WNK4: variants seen among roughly 807,000 people sequenced by gnomAD.
WNK4 encodes WNK lysine deficient protein kinase 4.
WNK4 carries 94 observed loss-of-function variants against 116.2 expected under a neutral mutation model. The observed-to-expected ratio is 0.81, with a 90% confidence interval of 0.68 to 0.96. The LOEUF (loss-of-function observed/expected upper bound fraction) is 0.96, where lower values mean the gene tolerates loss of function less well. WNK4 is among the 40% of genes least tolerant of loss of function. The pLI is 0.00. For missense variants in WNK4, 1,542 were observed against 1,650.6 expected, an observed-to-expected ratio of 0.93 and a Z score of 1.14; for synonymous variants, 655 against 672.7, an observed-to-expected ratio of 0.97 and a Z score of 0.41.
intron 10 of WNK4, 93 bp from the exon 11 acceptor site, chr17:42,788,588 T>C: frequency 3.3e-6 from 4 of 1,210,424 alleles, no homozygotes; most frequent in South Asian, 2.4e-5. Context: ...TCCAAGTCCA[T>C]TGTGGCTGCT....
chr17:42,785,575 C>A, intron 6 of WNK4, 93 bp downstream of exon 6: 1 of 1,425,166 alleles, frequency 7.0e-7, no homozygotes, highest in Non-Finnish European at 9.6e-7. Flanking sequence ...GGAGGGGTGG[C>A]AGCGATGGGG....
intron 11 of WNK4, among the ~76,000 whole-genome samples, chr17:42,793,086 C>A (rs758237733): frequency 6.6e-6 from 1 of 152,166 alleles, no homozygotes; most frequent in Admixed American, 6.5e-5. Context: ...GGTATATATA[C>A]GCATCCTATG....
Position 42,796,589 on chromosome 17 carries a change from GC to G in WNK4, c.3729+14del. The G allele has an allele frequency of 6.2e-7, 1 of 1,614,200 alleles. No homozygotes were observed. The stretch of plus-strand genomic sequence containing the variant: ...GATGTTGGCAGGATGGTGAGGGCGG[GC>G]CCAAGGGAGGGAGAGCCCAGGGAAT... On this transcript the variant is annotated intron_variant, in intron 18 of 18. Transcript: ENST00000246914.
Position 42,796,995 on chromosome 17 carries a change from C to T in WNK4, c.*307C>T. The T allele has an allele frequency of 3.8e-6, 2 of 532,866 alleles. No individual in the cohort carries two copies. Among genetic ancestry groups the T allele is most frequent in the Non-Finnish European group, 6.8e-6 (2 of 295,912 alleles). The allele number at this position is 532,866 out of a possible 1,614,324, so 33.0% of individuals were successfully genotyped here. A position where few individuals can be genotyped will look rare whatever the true frequency, so the allele number is the denominator to read the frequency against. Reference sequence around the variant, plus strand: ...TGGATGCTTCTAGAGGGGCCCACTCCCAGCTGGGAGAGTGTAGGGGATATG... The same window carrying T: ...TGGATGCTTCTAGAGGGGCCCACTCTCAGCTGGGAGAGTGTAGGGGATATG... On this transcript the variant is annotated 3_prime_UTR_variant, in exon 19 of 19. Coordinates refer to ENST00000246914, the MANE Select transcript of WNK4 (RefSeq NM_032387.5).
In WNK4 at chr17:42,796,550, T is replaced by C; in HGVS notation, c.3701T>C (p.Val1234Ala). The C allele has an allele frequency of 6.2e-7, 1 of 1,613,608 alleles. No homozygotes were observed. The highest frequency in any genetic ancestry group is 8.5e-7 in the Non-Finnish European group (1 of 1,179,844). Residue 1234 changes from valine (V) to alanine (A), a missense_variant, in exon 18 of 19, where the codon GTG becomes GCG. Physicochemically the swap from Val to Ala is moderately conservative, Grantham distance 64. Around this residue, in one of 7 missense-constraint regions of WNK4, gnomAD observed 148 missense variants for 157.2 expected, o/e 0.94. Transcript: ENST00000246914. ...GSQEQRASKG[V>A]TFAGDVGRM ...CAGGAGCAGCGGGCAAGCAAGGGGG[T>C]GACATTCGCCGGGGATGTTGGCAGG...
chr17:42,793,996 G>C (rs529672211), intron 12 of WNK4: 1 of 414,220 alleles, frequency 2.4e-6, no homozygotes, highest in South Asian at 2.1e-5. Context: ...GGGACTACAG[G>C]CGCTCGCCAC....
chr17:42,785,229 C>T, intron 5 of WNK4, 37 bp from the exon 6 acceptor site: 1 of 1,607,438 alleles, frequency 6.2e-7, no homozygotes, highest in Non-Finnish European at 8.5e-7. Flanking sequence ...GGGCCGCGGG[C>T]CGCGGCGGGC....
chr17:42,794,992 C>T lies in WNK4; in HGVS notation c.2571C>T (p.His857=), dbSNP rs1378094998. Residue 857 remains histidine, a synonymous_variant, in exon 14 of 19, where the codon CAC becomes CAT. Transcript: ENST00000246914. ...AGGTCTCCTCAAATCCCTCTCCACA[C>T]CCCACCAGCTCTCCACTTCCATTCT... ...SSQVSSNPSP[H]PTSSPLPFSS... The T allele has an allele frequency of 6.2e-7, 1 of 1,613,040 alleles. No homozygotes were observed. The highest frequency in any genetic ancestry group is 1.3e-5 in the African/African-American group (1 of 74,532).
At position 42,796,958 on chromosome 17, in the gene WNK4, C is replaced by G; in HGVS notation, c.*270C>G. On this transcript the variant is annotated 3_prime_UTR_variant, in exon 19 of 19. Transcript: ENST00000246914. Reference sequence around the variant, plus strand: ...TGCCAAGAGTCAACCACTAAGCAATCCCACCCAAGCCTGGATGCTTCTAGA... The same window carrying G: ...TGCCAAGAGTCAACCACTAAGCAATGCCACCCAAGCCTGGATGCTTCTAGA... The G allele has an allele frequency of 1.6e-6, 1 of 612,626 alleles. No homozygotes were observed. The highest frequency in any genetic ancestry group is 2.8e-6 in the Non-Finnish European group (1 of 357,140). The allele number at this position is 612,626 out of a possible 1,614,324, so 37.9% of individuals were successfully genotyped here.
intron 12 of WNK4, chr17:42,794,094 T>C: frequency 5.9e-6 from 2 of 338,076 alleles, no homozygotes; most frequent in Non-Finnish European, 1.1e-5. Context: ...GACCTCGTGA[T>C]CCGCCCTCCT....
chr17:42,796,014 C>T lies in WNK4; in HGVS notation c.3412C>T (p.Leu1138=), dbSNP rs2054666256. The change falls in exon 16 of 19, where the codon CTG becomes TTG. Residue 1138 remains leucine, a synonymous_variant. Transcript: ENST00000246914. ...SGEDEEFWAE[L]QSLRQKHLSE... ...GGAAGATGAGGAGTTCTGGGCTGAG[C>T]TGCAGAGTCTTCGGCAGAAGTGAGT... 6.2e-7 allele frequency: 1 copy of T among 1,613,848 alleles called. No individual in the cohort carries two copies. The highest frequency in any genetic ancestry group is 8.5e-7 in the Non-Finnish European group (1 of 1,180,018).
chr17:42,785,032 G>T, intron 4 of WNK4, 65 bp from the exon 5 acceptor site: 1 of 1,517,822 alleles, frequency 6.6e-7, no homozygotes. Context: ...TAAGGGGTGG[G>T]GGGTGGTGTC....
chr17:42,785,242 G>T (rs1205042865), intron 5 of WNK4, 24 bp from the exon 6 acceptor site: 3 of 1,607,304 alleles, frequency 1.9e-6, no homozygotes, highest in Non-Finnish European at 8.5e-7. Flanking sequence ...CGGCGGGCTC[G>T]GCTCACCCAC....
At chr17:42,791,639 CAA>C (rs112159075) in intron 11 of WNK4, among the ~76,000 whole-genome samples, 10 of 119,330 alleles carry the variant, frequency 8.4e-5, no homozygotes, top group Admixed American at 1.8e-4. Flanking sequence ...AACTCTGTCT[CAA>C]AAAAAAAAAA....
chr17:42,783,018 A>G (rs2054502583), intron 2 of WNK4, 88 bp downstream of exon 2: 2 of 1,524,934 alleles, frequency 1.3e-6, no homozygotes, highest in African/African-American at 1.4e-5. Context: ...CAAACTCTCT[A>G]ATATCCAGGT....
chr17:42,782,835 C>T lies in WNK4; in HGVS notation c.696C>T (p.Asn232=). Residue 232 remains asparagine, a synonymous_variant, in exon 2 of 19, where the codon AAC becomes AAT. Coordinates refer to ENST00000246914, the MANE Select transcript of WNK4 (RefSeq NM_032387.5). The surrounding 1 kb of genome is among the most constrained non-coding windows in gnomAD (Gnocchi z 4.2). ...VEMLKGLQHP[N]IVRFYDSWKS... is the part of the protein sequence containing the mutation. ...TGCTCAAGGGGCTGCAGCACCCCAACATCGTCCGCTTCTATGATTCGTGGA... is the reference window on the plus strand; with the variant it reads ...TGCTCAAGGGGCTGCAGCACCCCAATATCGTCCGCTTCTATGATTCGTGGA... 1.2e-6 allele frequency: 2 copies of T among 1,614,198 alleles called. No individual in the cohort carries two copies. Among genetic ancestry groups the T allele is most frequent in the Non-Finnish European group, 1.7e-6 (2 of 1,180,042 alleles).
At position 42,788,673 on chromosome 17, in the gene WNK4, A is replaced by T; in HGVS notation, c.2041-8A>T. 1 of 1,610,860 alleles carries T rather than the reference A, an allele frequency of 6.2e-7. No individual in the cohort carries two copies. The highest frequency in any genetic ancestry group is 8.5e-7 in the Non-Finnish European group (1 of 1,177,100). On this transcript the variant is annotated splice_polypyrimidine_tract_variant and splice_region_variant and intron_variant, in intron 10 of 18. Coordinates refer to ENST00000246914, the MANE Select transcript of WNK4 (RefSeq NM_032387.5). ...ACCTTCTCCCCTCTGCTGACTTTGA[A>T]TCTGAAGGTCTCAGACCAGAATGAC... is the stretch of plus-strand genomic sequence containing the variant.
In WNK4 at chr17:42,784,444, C is replaced by G. The variant is rs2054519874; in HGVS notation, c.1035C>G (p.Pro345=). The G allele has an allele frequency of 6.2e-7, 1 of 1,613,848 alleles. No individual in the cohort carries two copies. The highest frequency in any genetic ancestry group is 1.1e-5 in the South Asian group (1 of 91,002). ...SVIGTPEFMA[P]EMYEEKYDEA... is the part of the protein sequence containing the mutation. Reference sequence around the variant, plus strand: ...CAGGGACCCCGGAATTCATGGCCCCCGAGATGTACGAGGAAAAGTACGATG... The same window carrying G: ...CAGGGACCCCGGAATTCATGGCCCCGGAGATGTACGAGGAAAAGTACGATG... The change falls in exon 4 of 19, where the codon CCC becomes CCG. Residue 345 remains proline (P), a synonymous_variant. Coordinates refer to ENST00000246914, the MANE Select transcript of WNK4 (RefSeq NM_032387.5). The surrounding 1 kb of genome is among the most constrained non-coding windows in gnomAD (Gnocchi z 4.4).
intron 6 of WNK4, among the ~76,000 whole-genome samples, chr17:42,785,775 C>G (rs984178079): frequency 6.6e-6 from 1 of 152,070 alleles, no homozygotes. Context: ...TCCTTCTTTC[C>G]TCCCTCCCCA....
Sources: gnomAD v4.1 joint callset for allele counts (sites outside exome capture counted in the v4.1 genomes callset) on GRCh38, gnomAD v4.1.1 for gene constraint, gnomAD v4.1.1 regional missense constraint, Gnocchi (gnomAD v3.1) non-coding constraint, MANE v1.5 for transcripts, NCBI Gene and HGNC (gene_info 2026-07-23, HGNC 2026-07-21) for gene names.